Variants in SLC26A5 observed in about 807,000 individuals in gnomAD.
SLC26A5 encodes prestin.
SLC26A5 carries 51 observed loss-of-function variants against 81.0 expected under a neutral mutation model. The observed-to-expected ratio is 0.63, with a 90% CI of 0.50 to 0.80. The LOEUF (loss-of-function observed/expected upper bound fraction) is 0.80. SLC26A5 is among the 30% of genes least tolerant of loss of function. The probability of loss-of-function intolerance (pLI) is 0.00; values close to 1 mark genes in which losing one functional copy is unlikely to be tolerated. For missense variants in SLC26A5, 771 were observed against 905.8 expected, an observed-to-expected ratio of 0.85 and a Z score of 1.91; for synonymous variants, 325 against 332.8, an observed-to-expected ratio of 0.98 and a Z score of 0.25.
chr7:103,404,836 G>A (rs966372101), intron 8 of SLC26A5, among the ~76,000 whole-genome samples: 1 of 152,080 alleles, frequency 6.6e-6, no homozygotes, highest in Non-Finnish European at 1.5e-5. Flanking sequence ...CGTAGGTTTG[G>A]TCTTTTCACA....
chr7:103,436,639 G>A (rs1826473830), intron 2 of SLC26A5, among the ~76,000 whole-genome samples: 1 of 152,168 alleles, frequency 6.6e-6, no homozygotes, highest in Admixed American at 6.5e-5. Flanking sequence ...AAAGTGGTCA[G>A]CTGCTATCCA....
intron 17 of SLC26A5, 90 bp downstream of exon 17, chr7:103,378,356 C>A: frequency 7.9e-7 from 1 of 1,266,792 alleles, no homozygotes; most frequent in East Asian, 2.3e-5. Flanking sequence ...TTAGTAACTT[C>A]GTGCTGTGTT....
At chr7:103,402,661 AGT>A (rs1435111824) in intron 8 of SLC26A5, among the ~76,000 whole-genome samples, 1 of 151,986 alleles carries the variant, frequency 6.6e-6, no homozygotes, top group African/African-American at 2.4e-5. Flanking sequence ...GGCCTCCCAA[AGT>A]GCTCGGATTA....
chr7:103,374,392 T>A lies in SLC26A5; in HGVS notation c.*7A>T. ...CTTATAACCCCATCCTAGGGTGAGG[T>A]CCTCATCTATGCCTCAGGAGTGGCA... On this transcript the variant is annotated 3_prime_UTR_variant, in exon 20 of 20. Transcript: ENST00000306312. 1 of 1,612,196 alleles carries A rather than the reference T, an allele frequency of 6.2e-7. No homozygotes were observed. Among genetic ancestry groups the A allele is most frequent in the Non-Finnish European group, 8.5e-7 (1 of 1,179,946 alleles).
chr7:103,441,150 G>T (rs936186532), intron 2 of SLC26A5, among the ~76,000 whole-genome samples: 2 of 152,172 alleles, frequency 1.3e-5, no homozygotes, highest in African/African-American at 4.8e-5. Flanking sequence ...GCAGCTCCTG[G>T]TAACCGACGT....
At position 103,410,396 on chromosome 7, in the gene SLC26A5, A is replaced by G. The variant is rs71558639; in HGVS notation, c.724T>C (p.Ser242Pro). 6.2e-7 allele frequency: 1 copy of G among 1,613,940 alleles called. No individual in the cohort carries two copies. Among genetic ancestry groups the G allele is most frequent in the Non-Finnish European group, 8.5e-7 (1 of 1,179,800 alleles). ...VKTKRYSGIF[S>P]VVYSTVAVLQ... ...AGTTTCTTACTTACATACACCACGG[A>G]AAAGATTCCACTGTACCGCTTTGTT... The change falls in exon 7 of 20, where the codon TCC becomes CCC. Residue 242 changes from serine (S) to proline (P), a missense_variant. Physicochemically the swap from Ser to Pro is moderately conservative, Grantham distance 74 (BLOSUM62 -1). Coordinates refer to ENST00000306312, the MANE Select transcript of SLC26A5 (RefSeq NM_198999.3).
At chr7:103,433,404 A>G (rs755598403) in intron 2 of SLC26A5, 12 of 152,198 alleles carry the variant, frequency 7.9e-5, no homozygotes, top group Non-Finnish European at 1.3e-4. Context: ...GATCTGAATG[A>G]GTCAGCTTCG....
At chr7:103,376,523 T>C (rs1821364158) in intron 19 of SLC26A5, among the ~76,000 whole-genome samples, 1 of 152,052 alleles carries the variant, frequency 6.6e-6, no homozygotes. Flanking sequence ...TGGTCATGTA[T>C]ATATTATAAT....
rs987879167 is a variant in SLC26A5, at chr7:103,419,989, T to C, written c.292+749A>G. Among the ~76,000 whole-genome samples, 5 of 152,192 alleles carry C rather than the reference T, an allele frequency of 3.3e-5. No homozygotes were observed. The South Asian group carries it at 6.2e-4, about 19-fold the overall frequency. Reference sequence around the variant, plus strand: ...AGCTCCATGAGGACAGTGAGCCAGATAGGTGCCTAATAGACATGTACTGTT... The same window carrying C: ...AGCTCCATGAGGACAGTGAGCCAGACAGGTGCCTAATAGACATGTACTGTT... On this transcript the variant is annotated intron_variant, in intron 4 of 19. Coordinates refer to ENST00000306312, the MANE Select transcript of SLC26A5 (RefSeq NM_198999.3).
In SLC26A5 at chr7:103,380,539, T is replaced by C. The variant is rs756449232; in HGVS notation, c.1525A>G (p.Lys509Glu). The change falls in exon 15 of 20, where the codon AAA becomes GAA. Residue 509 changes from lysine to glutamate, a missense_variant. By Grantham distance (56) the Lys-to-Glu change is moderately conservative. Coordinates refer to ENST00000306312, the MANE Select transcript of SLC26A5 (RefSeq NM_198999.3). ...GTTTCAGGAAGCTTTCCAAGGACTT[T>C]GTAGCTTGGACTGAAGATAAAGAGT... ...VIYRTQSPSY[K>E]VLGKLPETDV... 5.6e-6 allele frequency: 9 copies of C among 1,613,520 alleles called. No homozygotes were observed. Among genetic ancestry groups the C allele is most frequent in the Admixed American group, 1.7e-5 (1 of 59,988 alleles).
At chr7:103,428,768 A>G (rs1825872669) in intron 2 of SLC26A5, among the ~76,000 whole-genome samples, 1 of 152,000 alleles carries the variant, frequency 6.6e-6, no homozygotes, top group East Asian at 1.9e-4. Context: ...GGGTTTCACC[A>G]TGTTGGCAAG....
At chr7:103,362,259 C>A in intron 19 of SLC26A5, 3 of 1,420,512 alleles carry the variant, frequency 2.1e-6, no homozygotes, top group Non-Finnish European at 2.7e-6. Context: ...TTCCTAACTT[C>A]CCATCGGCTT....
chr7:103,407,725 A>C, intron 8 of SLC26A5, 126 bp downstream of exon 8: 1 of 1,089,744 alleles, frequency 9.2e-7, no homozygotes, highest in African/African-American at 1.6e-5. Flanking sequence ...CAAATTTGAC[A>C]AATTGTAACC....
At chr7:103,397,742 A>G (rs1823256377) in intron 9 of SLC26A5, among the ~76,000 whole-genome samples, 190 bp downstream of exon 9, 1 of 151,434 alleles carries the variant, frequency 6.6e-6, no homozygotes, top group South Asian at 2.1e-4. Flanking sequence ...AGGTTAAGAC[A>G]AAAATTTGTT....
intron 2 of SLC26A5, among the ~76,000 whole-genome samples, chr7:103,429,245 AGAGT>A (rs758716019): frequency 2.5e-4 from 38 of 152,252 alleles, no homozygotes; most frequent in Non-Finnish European, 5.0e-4. Flanking sequence ...GTATCAGAAA[AGAGT>A]GAGTAAGGGC....
downstream of SLC26A5, among the ~76,000 whole-genome samples, chr7:103,372,113 A>C (rs1821078493): frequency 1.3e-5 from 2 of 152,244 alleles, no homozygotes; most frequent in Non-Finnish European, 2.9e-5. Context: ...ATGCTCTTTC[A>C]GAAGGCAGTC....
chr7:103,393,443 G>C (rs894719215), intron 9 of SLC26A5, among the ~76,000 whole-genome samples: 6 of 152,140 alleles, frequency 3.9e-5, no homozygotes, highest in African/African-American at 1.2e-4. Flanking sequence ...CCCAAGTCTT[G>C]GGGTGGGGAG....
At chr7:103,411,063 G>A (rs1252520121) in intron 6 of SLC26A5, among the ~76,000 whole-genome samples, 1 of 152,136 alleles carries the variant, frequency 6.6e-6, no homozygotes, top group East Asian at 1.9e-4. Flanking sequence ...CCACACTAAT[G>A]CCTTCCCTGT....
Position 103,363,513 on chromosome 7 carries a change from T to C in SLC26A5, c.2042-10587A>G, listed in dbSNP as rs2116241144. ...TTGTGTATTGAGCACTAAAATTGCT[T>C]GTATATTAGATGGCTTTTAATATTT... On this transcript the variant is annotated intron_variant, in intron 19 of 19. Coordinates refer to the SLC26A5 transcript ENST00000339444. 2.3e-6 allele frequency: 3 copies of C among 1,302,404 alleles called. No individual in the cohort carries two copies. The South Asian group carries it at 3.6e-5, about 16-fold the overall frequency. The allele number at this position is 1,302,404 out of a possible 1,614,324, so 80.7% of individuals were successfully genotyped here.
Sources: allele counts gnomAD v4.1 joint callset (sites outside exome capture counted in the v4.1 genomes callset), GRCh38; gene constraint gnomAD v4.1.1; transcripts MANE v1.5; gene names NCBI Gene and HGNC (gene_info 2026-07-23, HGNC 2026-07-21).